Variants in PKP4 observed in about 807,000 individuals in gnomAD.
PKP4 encodes plakophilin 4.
A neutral mutation model predicts 145.1 loss-of-function variants in PKP4; 90 were observed. The observed-to-expected ratio is 0.62, with a 90% CI of 0.52 to 0.74. The LOEUF is 0.74. Among genes scored for constraint, PKP4 ranks in the 30% least tolerant of loss-of-function variants. PKP4 has a pLI of 0.00. For missense variants in PKP4, 1,340 were observed against 1,482.7 expected (o/e 0.90, Z 1.58); for synonymous variants, 563 against 577.2 (o/e 0.98, Z 0.35).
intron 1 of PKP4, among the ~76,000 whole-genome samples, chr2:158,506,858 A>T (rs1021308449): frequency 6.6e-6 from 1 of 152,196 alleles, no homozygotes; most frequent in Non-Finnish European, 1.5e-5. Context: ...AGAAGTTCCT[A>T]TAGAGGCAAT....
chr2:158,562,509 T>G (rs1237210655), intron 2 of PKP4, among the ~76,000 whole-genome samples: 1 of 152,212 alleles, frequency 6.6e-6, no homozygotes, highest in African/African-American at 2.4e-5. Context: ...CTGGGAGTTG[T>G]TTTTTCAGTT....
chr2:158,602,703 CT>C (rs2050328797), intron 3 of PKP4, among the ~76,000 whole-genome samples: 1 of 152,180 alleles, frequency 6.6e-6, no homozygotes, highest in Admixed American at 6.5e-5. Flanking sequence ...ATAAAATAAA[CT>C]GTTTAACAGC....
Position 158,680,458 on chromosome 2 carries a change from C to T in PKP4, c.3360C>T (p.Asp1120=), listed in dbSNP as rs749972931. 1 of 1,612,568 alleles carries T rather than the reference C, an allele frequency of 6.2e-7. No individual in the cohort carries two copies. Among genetic ancestry groups the T allele is most frequent in the East Asian group, 2.2e-5 (1 of 44,868 alleles). ...QHQQLYYSQD[D]SNRKNFDAYR... ...AACAGCTGTATTATAGTCAAGATGA[C>T]TCCAACAGAAAGAACTTTGATGCAT... is the stretch of plus-strand genomic sequence containing the variant. Residue 1120 remains aspartate, a synonymous_variant, in exon 22 of 22, where the codon GAC becomes GAT. Coordinates refer to ENST00000389759, the MANE Select transcript of PKP4 (RefSeq NM_003628.6).
At chr2:158,656,133 A>G (rs1431451757) in intron 11 of PKP4, among the ~76,000 whole-genome samples, 1 of 152,152 alleles carries the variant, frequency 6.6e-6, no homozygotes, top group Non-Finnish European at 1.5e-5. Flanking sequence ...GCTCTGAGTC[A>G]ATTGAGGTGG....
intron 3 of PKP4, 54 bp from the exon 4 acceptor site, chr2:158,603,016 A>C (rs2050352787): frequency 3.5e-6 from 4 of 1,146,746 alleles, no homozygotes; most frequent in Admixed American, 4.7e-5. Flanking sequence ...GTCCTAAGCT[A>C]AATTTTATGA....
chr2:158,572,700 C>T (rs762422428), intron 2 of PKP4, among the ~76,000 whole-genome samples: 18 of 152,100 alleles, frequency 1.2e-4, no homozygotes, highest in Admixed American at 2.6e-4. Context: ...CCGATAGTTA[C>T]GATACCTATG....
At chr2:158,506,817 C>T (rs997750436) in intron 1 of PKP4, among the ~76,000 whole-genome samples, 1 of 152,196 alleles carries the variant, frequency 6.6e-6, no homozygotes, top group Non-Finnish European at 1.5e-5. Flanking sequence ...CCGATTCCCT[C>T]AGACTAGAGT....
chr2:158,601,613 T>C (rs1375700961), intron 3 of PKP4, among the ~76,000 whole-genome samples: 1 of 152,158 alleles, frequency 6.6e-6, no homozygotes, highest in Non-Finnish European at 1.5e-5. Flanking sequence ...GCTAAGAGTG[T>C]TTCAGATAAA....
At chr2:158,568,960 G>A (rs756704013) in intron 2 of PKP4, among the ~76,000 whole-genome samples, 1 of 152,124 alleles carries the variant, frequency 6.6e-6, no homozygotes, top group Non-Finnish European at 1.5e-5. Flanking sequence ...GCGACAGAGT[G>A]AGAATCTTTC....
At chr2:158,472,348 G>A (rs1014420149) in intron 1 of PKP4, among the ~76,000 whole-genome samples, 2 of 151,944 alleles carry the variant, frequency 1.3e-5, no homozygotes, top group Non-Finnish European at 2.9e-5. Context: ...GGTGGCTCAC[G>A]CCTGTAATCC....
chr2:158,568,767 A>T lies in PKP4; in HGVS notation c.133-8504A>T, dbSNP rs1574529631. Among the ~76,000 whole-genome samples, 4 of 152,112 alleles carry T rather than the reference A, an allele frequency of 2.6e-5. No homozygotes were observed. The East Asian group carries it at 7.7e-4, about 29-fold the overall frequency. On this transcript the variant is annotated intron_variant, in intron 2 of 21. Coordinates refer to ENST00000389759, the MANE Select transcript of PKP4 (RefSeq NM_003628.6). ...GGCAGGTGGATCACCTGAGGTCTGG[A>T]GTTCACAACCAGCCTGGCCAACATA...
chr2:158,638,938 G>C (rs1375758114), intron 9 of PKP4, among the ~76,000 whole-genome samples: 1 of 152,148 alleles, frequency 6.6e-6, no homozygotes, highest in Non-Finnish European at 1.5e-5. Context: ...GTTATCGTCT[G>C]TATAAATGTG....
At chr2:158,462,679 A>G (rs1023611293) in intron 1 of PKP4, among the ~76,000 whole-genome samples, 1 of 152,184 alleles carries the variant, frequency 6.6e-6, no homozygotes, top group Admixed American at 6.5e-5. Context: ...AGTGAGGCTC[A>G]TGAAGTGTCA....
intron 2 of PKP4, among the ~76,000 whole-genome samples, chr2:158,567,309 C>T (rs2047069011): frequency 6.6e-6 from 1 of 152,082 alleles, no homozygotes; most frequent in Non-Finnish European, 1.5e-5. Context: ...GAGGAAAAGC[C>T]TTGAGTGGTG....
chr2:158,467,898 T>C (rs908070035), intron 1 of PKP4, among the ~76,000 whole-genome samples: 2 of 152,106 alleles, frequency 1.3e-5, no homozygotes, highest in Non-Finnish European at 2.9e-5. Flanking sequence ...TTATAAAGTA[T>C]GTGATTTGGG....
chr2:158,533,386 T>C (rs925822286), intron 2 of PKP4, 70 bp downstream of exon 2: 39 of 1,561,620 alleles, frequency 2.5e-5, no homozygotes, highest in African/African-American at 4.1e-5. Flanking sequence ...TCTTTGGATA[T>C]GTTTTAAATT....
At chr2:158,583,427 G>A (rs4664981) in intron 3 of PKP4, among the ~76,000 whole-genome samples, 137,709 of 152,238 alleles carry the variant, frequency 0.9, 62,408 homozygotes, top group East Asian at 0.97. Flanking sequence ...GAGTTAAATG[G>A]CATTCCTTTT....
At chr2:158,639,484 G>A (rs1313345995) in intron 9 of PKP4, among the ~76,000 whole-genome samples, 1 of 152,064 alleles carries the variant, frequency 6.6e-6, no homozygotes, top group South Asian at 2.1e-4. Context: ...ATTATCACTC[G>A]GTCATTAATT....
intron 3 of PKP4, among the ~76,000 whole-genome samples, chr2:158,584,842 A>G (rs1256533801): frequency 2.0e-5 from 3 of 152,178 alleles, no homozygotes; most frequent in East Asian, 1.9e-4. Context: ...CCAGAAACTC[A>G]TCTTGGTTAT....
Sources: allele counts gnomAD v4.1 joint callset (sites outside exome capture counted in the v4.1 genomes callset), GRCh38; gene constraint gnomAD v4.1.1; transcripts MANE v1.5; gene names NCBI Gene and HGNC (gene_info 2026-07-23, HGNC 2026-07-21).